Variants in ZNF730 observed in about 807,000 individuals in gnomAD.
The protein encoded by ZNF730 is zinc finger protein 730, also known as putative zinc finger protein 730.
A neutral mutation model predicts 12.6 loss-of-function variants in ZNF730; 12 were observed. The ratio of observed to expected loss-of-function variants is 0.95; its 90% CI spans 0.61 to 1.54. The LOEUF is 1.54. Among genes scored for constraint, ZNF730 ranks in the 40% most tolerant of loss-of-function variants. The pLI is 0.00. For missense variants in ZNF730, 643 were observed against 583.5 expected (o/e 1.10, Z -1.05); for synonymous variants, 194 against 195.8 (o/e 0.99, Z 0.08).
intron 2 of ZNF730, among the ~76,000 whole-genome samples, chr19:23,134,532 G>A (rs1599597509): frequency 7.3e-6 from 1 of 137,382 alleles, no homozygotes; most frequent in East Asian, 2.3e-4. Flanking sequence ...GGGCGCCTCT[G>A]CCCGGCCGCC....
chr19:23,101,412 C>T (rs1970334405), intron 1 of ZNF730, among the ~76,000 whole-genome samples: 2 of 152,208 alleles, frequency 1.3e-5, no homozygotes, highest in Admixed American at 6.5e-5. Flanking sequence ...ATTCTGTCAA[C>T]CATTGATATT....
At chr19:23,134,445 C>G (rs1328163631) in intron 2 of ZNF730, among the ~76,000 whole-genome samples, 1 of 147,140 alleles carries the variant, frequency 6.8e-6, no homozygotes, top group Non-Finnish European at 1.5e-5. Flanking sequence ...GGAGGGGGGT[C>G]GGCCAGCCGC....
intron 3 of ZNF730, among the ~76,000 whole-genome samples, chr19:23,138,913 C>T (rs1392287593): frequency 6.6e-6 from 1 of 152,104 alleles, no homozygotes; most frequent in Admixed American, 6.6e-5. Context: ...GATTTTCTTG[C>T]TGTAGGAAAA....
chr19:23,117,347 G>A (rs956501767), intron 1 of ZNF730, among the ~76,000 whole-genome samples, 171 bp downstream of exon 1: 8 of 152,168 alleles, frequency 5.3e-5, no homozygotes, highest in Admixed American at 5.2e-4. Flanking sequence ...CGGCCGCGCT[G>A]ACAGCCGGGG....
intron 1 of ZNF730, chr19:23,127,468 C>A (rs2145633269): frequency 1.8e-6 from 2 of 1,099,502 alleles, no homozygotes; most frequent in Non-Finnish European, 2.8e-6. Flanking sequence ...CTTCTCCAAG[C>A]TTCTGTACTT....
intron 1 of ZNF730, among the ~76,000 whole-genome samples, chr19:23,105,880 A>G (rs536956180): frequency 6.6e-6 from 1 of 152,316 alleles, no homozygotes; most frequent in South Asian, 2.1e-4. Flanking sequence ...CAAATTATTG[A>G]TCTACGCCAC....
chr19:23,089,007 G>T (rs1970111983), intron 1 of ZNF730, among the ~76,000 whole-genome samples: 1 of 151,482 alleles, frequency 6.6e-6, no homozygotes, highest in South Asian at 2.1e-4. Flanking sequence ...CGAGTAGCTG[G>T]GATTACAGGC....
chr19:23,105,670 A>T (rs551786015), intron 1 of ZNF730, among the ~76,000 whole-genome samples: 2 of 152,324 alleles, frequency 1.3e-5, no homozygotes, highest in African/African-American at 4.8e-5. Flanking sequence ...CATTTATCAT[A>T]TTACCAGGAT....
chr19:23,118,017 C>T (rs1211991641), intron 1 of ZNF730, among the ~76,000 whole-genome samples: 1 of 152,046 alleles, frequency 6.6e-6, no homozygotes, highest in South Asian at 2.1e-4. Flanking sequence ...GGTCTCAAGT[C>T]TACCCCTCAA....
chr19:23,133,894 C>G (rs866561173), intron 1 of ZNF730, among the ~76,000 whole-genome samples, 186 bp from the exon 2 acceptor site: 36 of 152,196 alleles, frequency 2.4e-4, no homozygotes, highest in Non-Finnish European at 7.3e-5. Flanking sequence ...ATGCCAATCT[C>G]TTTTCTCAGA....
intron 1 of ZNF730, among the ~76,000 whole-genome samples, chr19:23,093,565 T>C (rs1376329728): frequency 1.3e-5 from 2 of 152,128 alleles, no homozygotes; most frequent in African/African-American, 2.4e-5. Context: ...TGGTGGCAGC[T>C]TGATCCCCGG....
At chr19:23,086,165 G>A (rs997527216) in intron 1 of ZNF730, among the ~76,000 whole-genome samples, 1 of 152,092 alleles carries the variant, frequency 6.6e-6, no homozygotes, top group Non-Finnish European at 1.5e-5. Flanking sequence ...TAATGGAGTT[G>A]TTTATGTCTT....
intron 3 of ZNF730, among the ~76,000 whole-genome samples, chr19:23,144,560 C>T (rs988505124): frequency 1.1e-4 from 16 of 151,812 alleles, no homozygotes; most frequent in African/African-American, 3.4e-4. Context: ...ATTAGCTGGG[C>T]GTGGTGGCAT....
At chr19:23,087,024 C>T (rs1343215353) in intron 1 of ZNF730, among the ~76,000 whole-genome samples, 1 of 137,868 alleles carries the variant, frequency 7.3e-6, no homozygotes, top group Non-Finnish European at 1.6e-5. Flanking sequence ...AGCTGTATTC[C>T]TAGGCATTTT....
At position 23,108,911 on chromosome 19, in the gene ZNF730, G is replaced by A. The variant is rs140610400; in HGVS notation, c.-93-25169G>A. 3.7e-4 allele frequency among the ~76,000 whole-genome samples: 56 copies of A among 152,014 alleles called. 1 individual carries two copies. In the Middle Eastern group the frequency reaches 0.027, roughly 74 times the overall value. ...ATTACAGGTGTGTGCCACCATGCAC[G>A]GCTAATTTTTGTATTTTTAGTAGAG... On this transcript the variant is annotated intron_variant, in intron 1 of 2. Coordinates refer to the ZNF730 transcript ENST00000593635.
At chr19:23,099,512 G>A (rs1350115097) in intron 1 of ZNF730, among the ~76,000 whole-genome samples, 2 of 152,200 alleles carry the variant, frequency 1.3e-5, no homozygotes, top group African/African-American at 2.4e-5. Context: ...TTGGGAGGCA[G>A]TTGAATGTTG....
chr19:23,146,032 CAT>C lies in ZNF730; in HGVS notation c.990_991del (p.His330GlnfsTer5). On this transcript the variant is annotated frameshift_variant, in exon 4 of 4. Transcript: ENST00000597761. LOFTEE classifies it low-confidence loss of function (END_TRUNC). Reference protein sequence around the residue: ...AFKWSSTLTKHKRIHNGEKPY... With the variant: ...AFKWSSTLTKXKRIHNGEKPY... Reference sequence around the variant, plus strand: ...TAAGTGGTCCTCAACCCTTACAAAACATAAAAGAATTCATAATGGAGAAAAAC... The same window carrying C: ...TAAGTGGTCCTCAACCCTTACAAAACAAAAGAATTCATAATGGAGAAAAAC... The C allele has an allele frequency of 2.5e-6, 4 of 1,610,258 alleles. No homozygotes were observed. Among genetic ancestry groups the C allele is most frequent in the South Asian group, 1.1e-5 (1 of 90,660 alleles).
chr19:23,145,363 A>G lies in ZNF730; in HGVS notation c.319A>G (p.Arg107Gly). Residue 107 changes from arginine (R) to glycine (G), a missense_variant, in exon 4 of 4, where the codon AGA (arginine) becomes GGA (glycine). Coordinates refer to ENST00000597761, the MANE Select transcript of ZNF730 (RefSeq NM_001277403.2). ...EVILRQYKKC[R>G]HENLLLRKGC... ...CATACTGAGACAATATAAAAAATGTAGACATGAGAATTTACTGTTAAGAAA... is the reference window on the plus strand; with the variant it reads ...CATACTGAGACAATATAAAAAATGTGGACATGAGAATTTACTGTTAAGAAA... 6.3e-7 allele frequency: 1 copy of G among 1,594,622 alleles called. No individual in the cohort carries two copies. The highest frequency in any genetic ancestry group is 8.5e-7 in the Non-Finnish European group (1 of 1,171,176).
intron 1 of ZNF730, among the ~76,000 whole-genome samples, chr19:23,122,692 G>A (rs527761254): frequency 2.0e-5 from 3 of 152,278 alleles, no homozygotes; most frequent in Admixed American, 6.5e-5. Context: ...AGAACAATTA[G>A]TATAGTTAGG....
Sources: gnomAD v4.1 joint callset for allele counts (sites outside exome capture counted in the v4.1 genomes callset) on GRCh38, gnomAD v4.1.1 for gene constraint, MANE v1.5 for transcripts, NCBI Gene and HGNC (gene_info 2026-07-23, HGNC 2026-07-21) for gene names.